The following XKR5 variants were observed in gnomAD, a reference collection of about 807,000 sequenced individuals.
XKR5 encodes XK related 5.
Under a neutral mutation model 40.8 loss-of-function variants are expected in XKR5, and 46 were observed. The observed-to-expected ratio is 1.13, with a 90% CI of 0.89 to 1.44. XKR5 has a LOEUF of 1.44. XKR5 is among the 40% of genes most tolerant of loss of function. XKR5 has a pLI of 0.00. For missense variants in XKR5, 1,169 were observed against 844.7 expected, an observed-to-expected ratio of 1.38 and a Z score of -4.76; for synonymous variants, 466 against 356.1, an observed-to-expected ratio of 1.31 and a Z score of -3.48.
In XKR5 at chr8:6,823,520, C is replaced by T. The variant is rs1320420080; in HGVS notation, c.637+1G>A. 6.3e-7 allele frequency: 1 copy of T among 1,581,272 alleles called. No individual in the cohort carries two copies. Among genetic ancestry groups the T allele is most frequent in the South Asian group, 1.2e-5 (1 of 86,086 alleles). Reference sequence around the variant, plus strand: ...ATGACCAGATCATTAGCTCAGCTCACCTGCAACCACAAAAACCCAAAAGTG... The same window carrying T: ...ATGACCAGATCATTAGCTCAGCTCATCTGCAACCACAAAAACCCAAAAGTG... On this transcript the variant is annotated splice_donor_variant, in intron 4 of 6. Transcript: ENST00000618742. LOFTEE classifies it high-confidence loss of function.
intron 1 of XKR5, among the ~76,000 whole-genome samples, chr8:6,833,814 G>A (rs550982753): frequency 4.9e-4 from 75 of 152,344 alleles, no homozygotes; most frequent in African/African-American, 1.7e-3. Context: ...TCTGGCAACA[G>A]GGACAGGCAT....
At chr8:6,829,014 C>T (rs1804641355) in intron 2 of XKR5, among the ~76,000 whole-genome samples, 2 of 152,216 alleles carry the variant, frequency 1.3e-5, no homozygotes, top group Admixed American at 1.3e-4. Flanking sequence ...TCGGAAACGC[C>T]TGTTCCCTCC....
chr8:6,822,150 C>G (rs898236819), intron 4 of XKR5, 112 bp from the exon 5 acceptor site: 67 of 1,066,074 alleles, frequency 6.3e-5, no homozygotes, highest in East Asian at 2.9e-4. Context: ...GACTCAGCAT[C>G]CAAGAAGAGA....
chr8:6,821,930 A>T lies in XKR5; in HGVS notation c.746T>A (p.Ile249Asn), dbSNP rs1804252788. ...LFNLLVGAVY[I>N]LCYLSFWDSP... Reference sequence around the variant, plus strand: ...GTCCCAGAAGCTGAGGTAGCAGAGGATGTACACGGCCCCCACGAGCAGGTT... The same window carrying T: ...GTCCCAGAAGCTGAGGTAGCAGAGGTTGTACACGGCCCCCACGAGCAGGTT... Residue 249 changes from isoleucine to asparagine, a missense_variant, in exon 5 of 7, where the codon ATC becomes AAC. Physicochemically the swap from Ile to Asn is moderately radical, Grantham distance 149. Coordinates refer to ENST00000618742, the MANE Select transcript of XKR5 (RefSeq NM_207411.5). 2 of 1,613,274 alleles carry T rather than the reference A, an allele frequency of 1.2e-6. No individual in the cohort carries two copies. The highest frequency in any genetic ancestry group is 1.7e-5 in the Admixed American group (1 of 59,914).
intron 5 of XKR5, among the ~76,000 whole-genome samples, chr8:6,816,210 A>G (rs1803952647): frequency 6.6e-6 from 1 of 152,200 alleles, no homozygotes; most frequent in South Asian, 2.1e-4. Flanking sequence ...TTAGAGAGTC[A>G]TTATGGGCTG....
Position 6,810,540 on chromosome 8 carries a change from A to G in XKR5, c.*658T>C, listed in dbSNP as rs778032559. On this transcript the variant is annotated 3_prime_UTR_variant, in exon 7 of 7. Coordinates refer to ENST00000618742, the MANE Select transcript of XKR5 (RefSeq NM_207411.5). ...TGGCCAGGAGGATGCTGATGGTCTG[A>G]GAGTGAATTGCAGAAAATGTGTGCA... 6.6e-6 allele frequency: 1 copy of G among 152,268 alleles called. No individual in the cohort carries two copies. The highest frequency in any genetic ancestry group is 1.5e-5 in the Non-Finnish European group (1 of 68,068). The allele number at this position is 152,268 out of a possible 1,614,324, so 9.4% of individuals were successfully genotyped here. A position where few individuals can be genotyped will look rare whatever the true frequency, so the allele number is the denominator to read the frequency against.
rs868458847 is a variant in XKR5 at position 6,811,514 on chromosome 8, G to C, written c.1745C>G (p.Ser582Trp). ...LGKSSPAQPASPHPVGLAPFP... is the reference protein window; with the variant it reads ...LGKSSPAQPAWPHPVGLAPFP... ...GGGCGCCAAGCCCACTGGGTGGGGC[G>C]ATGCAGGCTGGGCAGGGCTGCTCTT... The change falls in exon 7 of 7, where the codon TCG becomes TGG. Residue 582 changes from serine (S) to tryptophan (W), a missense_variant. Ser to Trp is a radical substitution (Grantham distance 177). Coordinates refer to ENST00000618742, the MANE Select transcript of XKR5 (RefSeq NM_207411.5). 5.2e-6 allele frequency: 8 copies of C among 1,530,552 alleles called. No homozygotes were observed. Among genetic ancestry groups the C allele is most frequent in the Non-Finnish European group, 7.0e-6 (8 of 1,143,056 alleles). 94.8% of individuals were successfully genotyped at this position (1,530,552 alleles called of 1,614,324 possible).
intron 1 of XKR5, among the ~76,000 whole-genome samples, chr8:6,835,197 G>T (rs1804959680): frequency 6.6e-6 from 1 of 151,134 alleles, no homozygotes; most frequent in African/African-American, 2.4e-5. Context: ...GGGGGGAACC[G>T]AGCATGGGTG....
At chr8:6,813,171 T>A (rs1803814461) in intron 6 of XKR5, among the ~76,000 whole-genome samples, 1 of 152,266 alleles carries the variant, frequency 6.6e-6, no homozygotes, top group South Asian at 2.1e-4. Context: ...CTCTTGTGTC[T>A]TGGGGGACTG....
At chr8:6,831,335 G>C (rs1804753747) in intron 2 of XKR5, among the ~76,000 whole-genome samples, 1 of 152,210 alleles carries the variant, frequency 6.6e-6, no homozygotes, top group Admixed American at 6.5e-5. Context: ...TGAACACCAA[G>C]GCCGAGCTTT....
Position 6,822,012 on chromosome 8 carries a change from A to G in XKR5, c.664T>C (p.Trp222Arg). Residue 222 changes from tryptophan to arginine, a missense_variant, in exon 5 of 7, where the codon TGG becomes CGG. Trp to Arg is a moderately radical substitution (Grantham distance 101). Coordinates refer to ENST00000618742, the MANE Select transcript of XKR5 (RefSeq NM_207411.5). The stretch of plus-strand genomic sequence containing the variant: ...ATGTCACTCTGCTGGGCGACAAGCC[A>G]GAATGTCATCACCAGCCAGTGGGCA... ...AGAHWLVMTFWLVAQQSDIID... is the reference protein window; with the variant it reads ...AGAHWLVMTFRLVAQQSDIID... 6.2e-7 allele frequency: 1 copy of G among 1,606,512 alleles called. No individual in the cohort carries two copies. Among genetic ancestry groups the G allele is most frequent in the Non-Finnish European group, 8.5e-7 (1 of 1,176,676 alleles).
chr8:6,811,511 G>A lies in XKR5; in HGVS notation c.1748C>T (p.Pro583Leu), dbSNP rs1803686293. The A allele has an allele frequency of 6.5e-7, 1 of 1,530,126 alleles. No homozygotes were observed. The highest frequency in any genetic ancestry group is 8.8e-7 in the Non-Finnish European group (1 of 1,142,808). 94.8% of individuals were successfully genotyped at this position (1,530,126 alleles called of 1,614,324 possible). A position where few individuals can be genotyped will look rare whatever the true frequency, so the allele number is the denominator to read the frequency against. Residue 583 changes from proline (P) to leucine (L), a missense_variant, in exon 7 of 7, where the codon CCC becomes CTC. Transcript: ENST00000618742. ...GKSSPAQPAS[P>L]HPVGLAPFPD... ...GAAGGGCGCCAAGCCCACTGGGTGG[G>A]GCGATGCAGGCTGGGCAGGGCTGCT...
Position 6,812,056 on chromosome 8 carries a change from ACTGAGGAAAGAGT to A in XKR5, c.1190_1202del (p.Asp397ValfsTer8). On this transcript the variant is annotated frameshift_variant, in exon 7 of 7. Coordinates refer to ENST00000618742, the MANE Select transcript of XKR5 (RefSeq NM_207411.5). LOFTEE classifies it low-confidence loss of function (END_TRUNC). ...GTTTCACCCACAGCCAGTGGTGATG[ACTGAGGAAAGAGT>A]CCTCCACAGCAACCTGGGTCCCCAG... 6.5e-7 allele frequency: 1 copy of A among 1,539,330 alleles called. No homozygotes were observed. The highest frequency in any genetic ancestry group is 8.7e-7 in the Non-Finnish European group (1 of 1,146,932).
chr8:6,808,556 A>T lies in XKR5; in HGVS notation c.*2642T>A, dbSNP rs1052490775. On this transcript the variant is annotated 3_prime_UTR_variant, in exon 7 of 7. Coordinates refer to ENST00000618742, the MANE Select transcript of XKR5 (RefSeq NM_207411.5). ...GTCCATTTATTAGTCTTCTCTAATAAATATAGTGTATATTTTCTGATCCTT... is the reference window on the plus strand; with the variant it reads ...GTCCATTTATTAGTCTTCTCTAATATATATAGTGTATATTTTCTGATCCTT... 6.6e-6 allele frequency: 1 copy of T among 152,170 alleles called. No homozygotes were observed. The highest frequency in any genetic ancestry group is 1.5e-5 in the Non-Finnish European group (1 of 68,036). 9.4% of individuals were successfully genotyped at this position (152,170 alleles called of 1,614,324 possible). A position where few individuals can be genotyped will look rare whatever the true frequency, so the allele number is the denominator to read the frequency against.
intron 5 of XKR5, 36 bp downstream of exon 5, chr8:6,821,833 A>T: frequency 6.3e-7 from 1 of 1,597,946 alleles, no homozygotes; most frequent in Non-Finnish European, 8.5e-7. Flanking sequence ...TGCTGTATAC[A>T]CTGTAAAAGT....
intron 2 of XKR5, among the ~76,000 whole-genome samples, chr8:6,828,608 C>A (rs1430781399): frequency 1.3e-5 from 2 of 152,160 alleles, no homozygotes; most frequent in Non-Finnish European, 2.9e-5. Context: ...TCACTAGGTC[C>A]TATGAGATGG....
chr8:6,813,801 G>A (rs1803842333), intron 6 of XKR5, among the ~76,000 whole-genome samples: 1 of 152,232 alleles, frequency 6.6e-6, no homozygotes, highest in Admixed American at 6.5e-5. Flanking sequence ...TACTGGCTGT[G>A]AAAATGTCTT....
chr8:6,829,108 T>C (rs1473246879), intron 2 of XKR5: 5 of 157,062 alleles, frequency 3.2e-5, no homozygotes, highest in Admixed American at 2.6e-4. Context: ...GCTAGGGCTA[T>C]ATTTTATATA....
In XKR5 at chr8:6,812,011, A is replaced by C. The variant is rs1332820722; in HGVS notation, c.1248T>G (p.Asn416Lys). 1 of 1,537,272 alleles carries C rather than the reference A, an allele frequency of 6.5e-7. No homozygotes were observed. The highest frequency in any genetic ancestry group is 2.4e-5 in the East Asian group (1 of 40,920). The change falls in exon 7 of 7, where the codon AAT becomes AAG. Residue 416 changes from asparagine to lysine, a missense_variant. By Grantham distance (94) the Asn-to-Lys change is moderately conservative. Transcript: ENST00000618742. The stretch of plus-strand genomic sequence containing the variant: ...CAAAGGCGGCATTGATCTTAGACAC[A>C]TTTCCTGTTTTTAGGGCAAGTTTCA... ...LWVKLALKTG[N>K]VSKINAAFGD...
Sources: gnomAD v4.1 joint callset for allele counts (sites outside exome capture counted in the v4.1 genomes callset) on GRCh38, gnomAD v4.1.1 for gene constraint, MANE v1.5 for transcripts, NCBI Gene and HGNC (gene_info 2026-07-23, HGNC 2026-07-21) for gene names.